The following IL1RAPL2 variants were observed in gnomAD, a reference collection of about 807,000 sequenced individuals.
The protein encoded by IL1RAPL2 is X-linked interleukin-1 receptor accessory protein-like 2.
A neutral mutation model predicts 44.1 loss-of-function variants in IL1RAPL2; 3 were observed. That is an observed-to-expected ratio of 0.07 (90% CI 0.03 to 0.18). IL1RAPL2 has a LOEUF of 0.18. Ranked by LOEUF, IL1RAPL2 falls within the 10% of genes least tolerant of loss-of-function variation. IL1RAPL2 has a pLI of 1.00. For synonymous variants in IL1RAPL2, 181 were observed against 178.8 expected, an observed-to-expected ratio of 1.01 and a Z score of -0.10; for missense variants, 391 against 496.4, an observed-to-expected ratio of 0.79 and a Z score of 2.02.
intron 6 of IL1RAPL2, among the ~76,000 whole-genome samples, chrX:105,703,004 T>C (rs2038132713): frequency 9.0e-6 from 1 of 111,510 alleles, no homozygotes; most frequent in Non-Finnish European, 1.9e-5. Flanking sequence ...CTATAAAAAA[T>C]AGAAAGCACT....
At chrX:105,023,721 CTT>C (rs1445707657) in intron 2 of IL1RAPL2, among the ~76,000 whole-genome samples, 3 of 111,242 alleles carry the variant, frequency 2.7e-5, no homozygotes, top group Non-Finnish European at 3.8e-5. Flanking sequence ...AGAAAAATCT[CTT>C]TTAATTCTAG....
intron 2 of IL1RAPL2, among the ~76,000 whole-genome samples, chrX:104,731,296 G>T (rs1465765091): frequency 3.6e-5 from 4 of 110,245 alleles, no homozygotes; most frequent in Non-Finnish European, 7.6e-5. Flanking sequence ...CCTTGCCCAT[G>T]CCTATGTCCT....
chrX:105,745,674 G>A (rs1206385981), intron 8 of IL1RAPL2, among the ~76,000 whole-genome samples: 3 of 110,698 alleles, frequency 2.7e-5, no homozygotes, highest in Non-Finnish European at 3.8e-5. Flanking sequence ...TGCTTCCCTC[G>A]TTTTTTATTT....
intron 2 of IL1RAPL2, among the ~76,000 whole-genome samples, chrX:104,838,519 C>G (rs1220774978): frequency 9.0e-6 from 1 of 111,178 alleles, no homozygotes; most frequent in East Asian, 2.8e-4. Flanking sequence ...ATTTGGCTCT[C>G]CACTTGTTTA....
intron 1 of IL1RAPL2, among the ~76,000 whole-genome samples, chrX:104,578,123 A>C (rs1023441099): frequency 2.1e-4 from 24 of 112,018 alleles, no homozygotes; most frequent in African/African-American, 5.8e-4. Context: ...AAACATAACA[A>C]ACACCCACAT....
At chrX:104,816,100 G>C (rs1921127390) in intron 2 of IL1RAPL2, among the ~76,000 whole-genome samples, 1 of 110,899 alleles carries the variant, frequency 9.0e-6, no homozygotes, top group Non-Finnish European at 1.9e-5. Context: ...TACTTCTGAT[G>C]CTTCAGTGCT....
intron 5 of IL1RAPL2, among the ~76,000 whole-genome samples, chrX:105,414,975 A>G (rs2035722322): frequency 8.9e-6 from 1 of 112,043 alleles, no homozygotes; most frequent in African/African-American, 3.2e-5. Context: ...TACAGATGTA[A>G]TAATAGTAAT....
intron 6 of IL1RAPL2, among the ~76,000 whole-genome samples, chrX:105,657,699 C>T (rs1418754005): frequency 8.9e-6 from 1 of 111,886 alleles, no homozygotes; most frequent in Non-Finnish European, 1.9e-5. Flanking sequence ...ACTGCAACCT[C>T]CGCCTCCCGG....
At chrX:104,719,055 C>T (rs189336470) in intron 2 of IL1RAPL2, among the ~76,000 whole-genome samples, 11 of 112,200 alleles carry the variant, frequency 9.8e-5, no homozygotes, top group Middle Eastern at 4.6e-3. Flanking sequence ...TTTAAAGATA[C>T]CTGTTTACCA....
chrX:105,322,659 C>G (rs776994045), intron 5 of IL1RAPL2, among the ~76,000 whole-genome samples: 2 of 111,997 alleles, frequency 1.8e-5, no homozygotes, highest in Non-Finnish European at 3.8e-5. Flanking sequence ...AGCATCTCTG[C>G]CACTTAGAAT....
At chrX:104,820,545 A>G (rs1222236519) in intron 2 of IL1RAPL2, among the ~76,000 whole-genome samples, 1 of 111,908 alleles carries the variant, frequency 8.9e-6, no homozygotes, top group Non-Finnish European at 1.9e-5. Flanking sequence ...CCTTGCCTCC[A>G]TGCTACATTG....
At chrX:104,834,938 C>T (rs1465766050) in intron 2 of IL1RAPL2, among the ~76,000 whole-genome samples, 1 of 111,839 alleles carries the variant, frequency 8.9e-6, no homozygotes, top group Non-Finnish European at 1.9e-5. Context: ...TCCATGAAAA[C>T]TTACCTGTCT....
chrX:105,076,599 G>T lies in IL1RAPL2; in HGVS notation c.83-118876G>T, dbSNP rs768217054. 1.4e-3 allele frequency among the ~76,000 whole-genome samples: 154 copies of T among 111,130 alleles called. 1 individual carries two copies. The highest frequency in any genetic ancestry group is 4.4e-3 in the African/African-American group (133 of 30,571). On this transcript the variant is annotated intron_variant, in intron 2 of 10. Transcript: ENST00000372582. ...CTGAGTTCAACTCCTGGATATCCTT[G>T]TTAACTTTCTGTCTCGTTGATCTGT...
intron 6 of IL1RAPL2, among the ~76,000 whole-genome samples, chrX:105,576,359 T>A (rs896587006): frequency 2.7e-5 from 3 of 111,729 alleles, no homozygotes; most frequent in African/African-American, 9.8e-5. Flanking sequence ...GGGTCCAGTT[T>A]CAATCTTCTG....
At chrX:105,432,485 G>T (rs979599145) in intron 5 of IL1RAPL2, among the ~76,000 whole-genome samples, 3 of 110,529 alleles carry the variant, frequency 2.7e-5, no homozygotes, top group Non-Finnish European at 3.8e-5. Context: ...CCTGTGGTTG[G>T]CTGTGGAAAT....
chrX:105,729,926 AG>A, intron 7 of IL1RAPL2, among the ~76,000 whole-genome samples: 1 of 84,887 alleles, frequency 1.2e-5, no homozygotes, highest in Non-Finnish European at 2.2e-5. Context: ...GGAAGGAGGG[AG>A]GGAGGGAGGG....
chrX:104,644,631 C>T (rs1414190034), intron 1 of IL1RAPL2, among the ~76,000 whole-genome samples: 1 of 111,000 alleles, frequency 9.0e-6, no homozygotes, highest in Non-Finnish European at 1.9e-5. Context: ...CCTTTTCTGG[C>T]TTCTTTCCCT....
intron 2 of IL1RAPL2, among the ~76,000 whole-genome samples, chrX:105,030,579 G>A (rs962427831): frequency 6.3e-5 from 7 of 111,335 alleles, no homozygotes; most frequent in Non-Finnish European, 9.4e-5. Flanking sequence ...TATTTCTGAG[G>A]GCTCTGTTCT....
intron 2 of IL1RAPL2, among the ~76,000 whole-genome samples, chrX:104,960,284 T>A (rs2029981043): frequency 8.9e-6 from 1 of 112,235 alleles, no homozygotes; most frequent in African/African-American, 3.2e-5. Flanking sequence ...CCTAAGGTTT[T>A]GTTTAGAATA....
Sources: gnomAD v4.1 joint callset for allele counts (sites outside exome capture counted in the v4.1 genomes callset) on GRCh38, gnomAD v4.1.1 for gene constraint, MANE v1.5 for transcripts, NCBI Gene and HGNC (gene_info 2026-07-23, HGNC 2026-07-21) for gene names.